HIF3A: variants seen among roughly 807,000 people sequenced by gnomAD.
The protein encoded by HIF3A is hypoxia inducible factor 3 subunit alpha.
Under a neutral mutation model 67.2 loss-of-function variants are expected in HIF3A, and 41 were observed. The ratio of observed to expected loss-of-function variants is 0.61; its 90% confidence interval spans 0.48 to 0.79. The LOEUF is 0.79. Ranked by LOEUF, HIF3A falls within the 30% of genes least tolerant of loss-of-function variation. The pLI, the probability that HIF3A is intolerant of heterozygous loss-of-function variation, is 0.00. For missense variants in HIF3A, 855 were observed against 898.0 expected (o/e 0.95, Z 0.61); for synonymous variants, 356 against 374.8 (o/e 0.95, Z 0.58).
chr19:46,312,146 C>A lies in HIF3A; in HGVS notation c.771-15C>A. 2 of 1,609,138 alleles carry A rather than the reference C, an allele frequency of 1.2e-6. No individual in the cohort carries two copies. The highest frequency in any genetic ancestry group is 2.2e-5 in the East Asian group (1 of 44,858). ...AGTAGCATCCTGACCAGACCCCACT[C>A]CGCCCCACCCCCAGGATTGCAGAAG... is the stretch of plus-strand genomic sequence containing the variant. On this transcript the variant is annotated splice_polypyrimidine_tract_variant and intron_variant, in intron 6 of 14. Coordinates refer to ENST00000377670, the MANE Select transcript of HIF3A (RefSeq NM_152795.4).
intron 3 of HIF3A, among the ~76,000 whole-genome samples, chr19:46,305,669 C>T (rs182755484): frequency 2.6e-4 from 39 of 151,930 alleles, no homozygotes; most frequent in Non-Finnish European, 4.3e-4. Context: ...AGAACTTAGC[C>T]GGTCAAAGGG....
At chr19:46,335,018 G>A in intron 14 of HIF3A, 32 bp downstream of exon 14, 2 of 1,564,922 alleles carry the variant, frequency 1.3e-6, no homozygotes, top group Non-Finnish European at 8.8e-7. Flanking sequence ...CAGAGCCCCA[G>A]AGCACCTTCT....
intron 9 of HIF3A, 21 bp downstream of exon 9, chr19:46,320,582 C>A: frequency 6.3e-7 from 1 of 1,587,188 alleles, no homozygotes; most frequent in Non-Finnish European, 8.6e-7. Flanking sequence ...GGGCTGGGGC[C>A]GGGAGGGGTT....
At chr19:46,325,400 T>G in intron 10 of HIF3A, 135 bp from the exon 11 acceptor site, 1 of 663,210 alleles carries the variant, frequency 1.5e-6, no homozygotes, top group African/African-American at 1.8e-5. Flanking sequence ...TCATCTGCAT[T>G]TGCCGTTGGA....
intron 8 of HIF3A, among the ~76,000 whole-genome samples, chr19:46,319,380 G>C (rs985950388): frequency 5.9e-5 from 9 of 152,102 alleles, no homozygotes; most frequent in African/African-American, 2.2e-4. Flanking sequence ...CCTGAAGGGG[G>C]TTATGCAGAT....
At chr19:46,309,827 C>T (rs557711236) in intron 6 of HIF3A, among the ~76,000 whole-genome samples, 14 of 152,220 alleles carry the variant, frequency 9.2e-5, no homozygotes, top group African/African-American at 2.2e-4. Context: ...TGGCTCACAC[C>T]GGCAGTACCA....
intron 13 of HIF3A, among the ~76,000 whole-genome samples, chr19:46,334,701 T>C (rs28688902): frequency 0.15 from 23,088 of 151,840 alleles, 2,341 homozygotes; most frequent in African/African-American, 0.28. Context: ...GCACATGCCA[T>C]CACACCCAGC....
At position 46,325,582 on chromosome 19, in the gene HIF3A, A is replaced by G; in HGVS notation, c.1383A>G (p.Arg461=). 1 of 1,613,278 alleles carries G rather than the reference A, an allele frequency of 6.2e-7. No homozygotes were observed. The highest frequency in any genetic ancestry group is 8.5e-7 in the Non-Finnish European group (1 of 1,179,836). The change falls in exon 11 of 15, where the codon AGA becomes AGG. Residue 461 remains arginine (R), a synonymous_variant. Coordinates refer to ENST00000377670, the MANE Select transcript of HIF3A (RefSeq NM_152795.4). The stretch of plus-strand genomic sequence containing the variant: ...CTGTGGGCACCGAGAATGTGCACAG[A>G]CTCTTCACCTCCGGGAAAGACACTG... ...ELPVGTENVH[R]LFTSGKDTEA... is the part of the protein sequence containing the mutation.
chr19:46,318,689 C>T (rs559643090), intron 8 of HIF3A, among the ~76,000 whole-genome samples: 10 of 151,666 alleles, frequency 6.6e-5, no homozygotes, highest in Non-Finnish European at 1.2e-4. Context: ...GGCGTGATCT[C>T]GGCTCACTGC....
chr19:46,331,094 C>T, intron 12 of HIF3A, 62 bp from the exon 13 acceptor site: 2 of 1,319,744 alleles, frequency 1.5e-6, no homozygotes, highest in South Asian at 2.6e-5. Context: ...CACCTGCTTA[C>T]ACTGTTATCC....
chr19:46,303,704 GA>G, intron 1 of HIF3A, 193 bp from the exon 2 acceptor site: 1 of 1,576,818 alleles, frequency 6.3e-7, no homozygotes, highest in Non-Finnish European at 8.6e-7. Context: ...TCAGGGCTAG[GA>G]AGGGCTCCAC....
chr19:46,323,000 C>T (rs890921372), intron 10 of HIF3A, among the ~76,000 whole-genome samples: 6 of 151,798 alleles, frequency 4.0e-5, no homozygotes, highest in African/African-American at 1.5e-4. Flanking sequence ...CATCAGCATT[C>T]CTTCCCCCAG....
In HIF3A at chr19:46,297,082, G is replaced by T. The variant is rs771254154; in HGVS notation, c.6G>T (p.Ala2=). ...GGAGCGGCGACTGGCGAGCCATGGC[G>T]CTGGGGCTGCAGCGCGCAAGGTACT... is the stretch of plus-strand genomic sequence containing the variant. M[A]LGLQRARSTT... is the part of the protein sequence containing the mutation. The change falls in exon 1 of 15, where the codon GCG becomes GCT. Residue 2 remains alanine (A), a synonymous_variant. Coordinates refer to ENST00000377670, the MANE Select transcript of HIF3A (RefSeq NM_152795.4). The surrounding 1 kb of genome is among the most constrained non-coding windows in gnomAD (Gnocchi z 4.5). 1.5e-6 allele frequency: 2 copies of T among 1,307,374 alleles called. No homozygotes were observed. The highest frequency in any genetic ancestry group is 2.0e-6 in the Non-Finnish European group (2 of 1,018,466). The allele number at this position is 1,307,374 out of a possible 1,614,324, so 81.0% of individuals were successfully genotyped here. A position where few individuals can be genotyped will look rare whatever the true frequency, so the allele number is the denominator to read the frequency against.
At chr19:46,301,308 C>G (rs1968311386) in intron 1 of HIF3A, among the ~76,000 whole-genome samples, 1 of 152,134 alleles carries the variant, frequency 6.6e-6, no homozygotes. Context: ...TGATGCCACC[C>G]CAGAAGCACC....
chr19:46,316,877 T>C (rs937903231), intron 8 of HIF3A, among the ~76,000 whole-genome samples: 1 of 152,176 alleles, frequency 6.6e-6, no homozygotes. Context: ...GCACCAGTTT[T>C]CTAAAGCCTT....
chr19:46,321,745 C>T (rs374368604), intron 9 of HIF3A, 31 bp from the exon 10 acceptor site: 91 of 1,598,356 alleles, frequency 5.7e-5, no homozygotes, highest in East Asian at 1.1e-4. Context: ...GTCACCAGCC[C>T]GTGTCCTCCC....
intron 2 of HIF3A, 166 bp from the exon 3 acceptor site, chr19:46,305,079 T>A: frequency 1.0e-6 from 1 of 953,738 alleles, no homozygotes; most frequent in Non-Finnish European, 1.7e-6. Flanking sequence ...TTGGTCCTGC[T>A]TTCTTCCTTG....
chr19:46,327,323 T>A (rs886249733), intron 11 of HIF3A, among the ~76,000 whole-genome samples: 4 of 150,316 alleles, frequency 2.7e-5, no homozygotes, highest in Non-Finnish European at 5.9e-5. Flanking sequence ...CTTTTTTCTT[T>A]TTTTTTTTTT....
intron 1 of HIF3A, among the ~76,000 whole-genome samples, chr19:46,299,047 G>A (rs898730371): frequency 6.6e-6 from 1 of 152,256 alleles, no homozygotes; most frequent in African/African-American, 2.4e-5. Flanking sequence ...TTGGAGGGGG[G>A]CACTGGGCCC....
Sources: gnomAD v4.1 joint callset for allele counts (sites outside exome capture counted in the v4.1 genomes callset) on GRCh38, gnomAD v4.1.1 for gene constraint, Gnocchi (gnomAD v3.1) non-coding constraint, MANE v1.5 for transcripts, NCBI Gene and HGNC (gene_info 2026-07-23, HGNC 2026-07-21) for gene names.